The following MYO18B variants were observed in gnomAD, a reference collection of about 807,000 sequenced individuals.
MYO18B encodes myosin XVIIIB.
Under a neutral mutation model 273.0 loss-of-function variants are expected in MYO18B, and 204 were observed. That is an observed-to-expected ratio of 0.75 (90% CI 0.67 to 0.84). The LOEUF is 0.84. MYO18B is among the 40% of genes least tolerant of loss of function. The pLI is 0.00. For missense variants in MYO18B, 3,212 were observed against 3,287.6 expected, an observed-to-expected ratio of 0.98 and a Z score of 0.56; for synonymous variants, 1,330 against 1,305.7, an observed-to-expected ratio of 1.02 and a Z score of -0.40.
chr22:25,775,794 A>G (rs1203252820), intron 7 of MYO18B, among the ~76,000 whole-genome samples: 4 of 151,912 alleles, frequency 2.6e-5, no homozygotes, highest in Admixed American at 2.0e-4. Flanking sequence ...GTGGCTTTCA[A>G]ACGCCTCCCG....
chr22:25,949,404 T>C (rs1273586229), intron 36 of MYO18B, among the ~76,000 whole-genome samples: 1 of 152,090 alleles, frequency 6.6e-6, no homozygotes, highest in South Asian at 2.1e-4. Context: ...GAGGGCAGCA[T>C]GGGTGAAACA....
intron 34 of MYO18B, among the ~76,000 whole-genome samples, chr22:25,943,668 C>T (rs2092670705): frequency 6.6e-6 from 1 of 151,602 alleles, no homozygotes; most frequent in South Asian, 2.1e-4. Context: ...GCCCAGTGCG[C>T]TCTGCACATG....
At chr22:25,774,783 G>A (rs761803241) in intron 7 of MYO18B, among the ~76,000 whole-genome samples, 2 of 152,216 alleles carry the variant, frequency 1.3e-5, no homozygotes, top group Non-Finnish European at 2.9e-5. Flanking sequence ...CTCACTATGG[G>A]GCTAGCCCCA....
rs1003767679 is a variant in MYO18B at position 25,883,781 on chromosome 22, A to G, written c.4314+5733A>G. 2 of 152,252 alleles carry G rather than the reference A, an allele frequency of 1.3e-5. No individual in the cohort carries two copies. The highest frequency in any genetic ancestry group is 2.9e-5 in the Non-Finnish European group (2 of 68,046). The allele number at this position is 152,252 out of a possible 1,614,324, so 9.4% of individuals were successfully genotyped here. The stretch of plus-strand genomic sequence containing the variant: ...GTGAAAACTCCATTTGACTAGGCTT[A>G]TTAAAAAGACATCACTATTGCAAAA... On this transcript the variant is annotated intron_variant, in intron 25 of 43. Coordinates refer to ENST00000335473, the MANE Select transcript of MYO18B (RefSeq NM_032608.7). The surrounding 1 kb of genome is among the most constrained non-coding windows in gnomAD (Gnocchi z 7.6).
At chr22:25,803,193 G>A (rs2088301106) in intron 12 of MYO18B, among the ~76,000 whole-genome samples, 1 of 150,530 alleles carries the variant, frequency 6.6e-6, no homozygotes, top group Admixed American at 6.6e-5. Context: ...TTGATCTCCT[G>A]ACCTCGTGAT....
At position 26,026,774 on chromosome 22, in the gene MYO18B, G is replaced by C. The variant is rs201232336; in HGVS notation, c.6800G>C (p.Gly2267Ala). 3.3e-4 allele frequency: 537 copies of C among 1,608,142 alleles called. 1 individual carries two copies. In the African/African-American group the frequency reaches 6.5e-3, roughly 19 times the overall value. Residue 2267 changes from glycine (G) to alanine (A), a missense_variant, in exon 43 of 44, where the codon GGG (glycine) becomes GCG (alanine). Gly to Ala is a moderately conservative substitution (Grantham distance 60, BLOSUM62 0). Transcript: ENST00000335473. ...AGGAAGAGAGCCCAGAGAGGCCAGGGGTCCACGCTGGGCCTAGAGGACTGG... is the reference window on the plus strand; with the variant it reads ...AGGAAGAGAGCCCAGAGAGGCCAGGCGTCCACGCTGGGCCTAGAGGACTGG... The part of the protein sequence containing the change: ...LRRKRAQRGQ[G>A]STLGLEDWPT...
At chr22:26,042,665 CCA>C in the MYO18B span, among the ~76,000 whole-genome samples, 2 of 152,346 alleles carry the variant, frequency 1.3e-5, no homozygotes, top group African/African-American at 4.8e-5. Context: ...TCTCCCAGCT[CCA>C]GTTTTAGAAA....
intron 33 of MYO18B, among the ~76,000 whole-genome samples, chr22:25,916,102 C>T (rs1004634459): frequency 1.3e-5 from 2 of 152,120 alleles, no homozygotes; most frequent in African/African-American, 4.8e-5. Context: ...TTTATTATTT[C>T]ATCTAATTTT....
At chr22:26,061,882 A>G in the MYO18B span, among the ~76,000 whole-genome samples, 3 of 125,798 alleles carry the variant, frequency 2.4e-5, no homozygotes, top group Non-Finnish European at 3.4e-5. Flanking sequence ...TTAAAAATTG[A>G]TGCTGAAAAA....
the MYO18B span, among the ~76,000 whole-genome samples, chr22:26,059,658 C>T: frequency 1.3e-5 from 2 of 152,196 alleles, no homozygotes; most frequent in Non-Finnish European, 2.9e-5. Context: ...AACATGTTGC[C>T]ACTGCCTCCC....
At chr22:26,003,024 C>A (rs1244130323) in intron 40 of MYO18B, among the ~76,000 whole-genome samples, 1 of 151,626 alleles carries the variant, frequency 6.6e-6, no homozygotes, top group Non-Finnish European at 1.5e-5. Context: ...TTGCCAGGAA[C>A]CATGCTGAGA....
intron 25 of MYO18B, among the ~76,000 whole-genome samples, chr22:25,882,356 T>TG (rs1240513457): frequency 1.1e-5 from 1 of 94,650 alleles, no homozygotes. Context: ...GCATGTAGAT[T>TG]GAAAAAAAAA....
chr22:26,020,988 C>T (rs566729431), intron 42 of MYO18B, among the ~76,000 whole-genome samples: 19 of 152,184 alleles, frequency 1.2e-4, no homozygotes, highest in African/African-American at 4.1e-4. Context: ...ACTCGGGAGG[C>T]GGAGGCAAGA....
At chr22:25,930,299 C>CA (rs2092480090) in intron 34 of MYO18B, among the ~76,000 whole-genome samples, 1 of 152,106 alleles carries the variant, frequency 6.6e-6, no homozygotes, top group African/African-American at 2.4e-5. Context: ...TTGTTTCCAT[C>CA]GTTTTTTTTC....
chr22:25,987,556 G>A lies in MYO18B; in HGVS notation c.6157-4807G>A, dbSNP rs151061427. On this transcript the variant is annotated intron_variant, in intron 39 of 43. Coordinates refer to ENST00000335473, the MANE Select transcript of MYO18B (RefSeq NM_032608.7). ...TTTATCCCTTATCCTTCCCTCATTC[G>A]CCACTAATAGTCATACAATAGCACC... Among the ~76,000 whole-genome samples the A allele has an allele frequency of 3.8e-3, 571 of 151,248 alleles. 2 individuals are homozygous for A. Among genetic ancestry groups the A allele is most frequent in the African/African-American group, 0.013 (542 of 41,126 alleles).
the MYO18B span, among the ~76,000 whole-genome samples, chr22:26,048,127 G>A: frequency 6.6e-6 from 1 of 152,140 alleles, no homozygotes; most frequent in Non-Finnish European, 1.5e-5. Context: ...TTTGTGGTCT[G>A]CATCACACGT....
intron 21 of MYO18B, among the ~76,000 whole-genome samples, chr22:25,858,292 T>C (rs1373389712): frequency 6.6e-6 from 1 of 152,206 alleles, no homozygotes; most frequent in Non-Finnish European, 1.5e-5. Context: ...TAGTATGGCA[T>C]AGCAAAGTGT....
chr22:25,802,988 G>A (rs1037680173), intron 12 of MYO18B, among the ~76,000 whole-genome samples: 12 of 145,496 alleles, frequency 8.2e-5, no homozygotes, highest in African/African-American at 2.8e-4. Context: ...TTGAGACAGA[G>A]TCTTGCTCTG....
At chr22:25,902,364 G>A (rs551615646) in intron 29 of MYO18B, among the ~76,000 whole-genome samples, 1 of 152,270 alleles carries the variant, frequency 6.6e-6, no homozygotes, top group Admixed American at 6.5e-5. Context: ...TCTGTGGCAA[G>A]TCTACCTCAA....
Sources: gnomAD v4.1 joint callset for allele counts (sites outside exome capture counted in the v4.1 genomes callset) on GRCh38, gnomAD v4.1.1 for gene constraint, Gnocchi (gnomAD v3.1) non-coding constraint, MANE v1.5 for transcripts, NCBI Gene and HGNC (gene_info 2026-07-23, HGNC 2026-07-21) for gene names.